OTUD3: variants seen among roughly 807,000 people sequenced by gnomAD.
OTUD3 encodes the protein OTU domain-containing protein 3.
OTUD3 carries 24 observed loss-of-function variants against 46.2 expected under a neutral mutation model. The observed-to-expected ratio is 0.52, with a 90% CI of 0.38 to 0.73. The LOEUF (loss-of-function observed/expected upper bound fraction) is 0.73. Among genes scored for constraint, OTUD3 ranks in the 30% least tolerant of loss-of-function variants. The pLI is 0.00. For synonymous variants in OTUD3, 189 were observed against 195.4 expected (o/e 0.97, Z 0.27); for missense variants, 455 against 523.3 (o/e 0.87, Z 1.27).
Position 19,882,689 on chromosome 1 carries a change from A to G in OTUD3, c.176A>G (p.Gln59Arg), listed in dbSNP as rs1181902287. 3 of 1,454,066 alleles carry G rather than the reference A, an allele frequency of 2.1e-6. No individual in the cohort carries two copies. The highest frequency in any genetic ancestry group is 1.5e-5 in the African/African-American group (1 of 67,976). The allele number at this position is 1,454,066 out of a possible 1,614,324, so 90.1% of individuals were successfully genotyped here. Residue 59 changes from glutamine to arginine, a missense_variant, in exon 1 of 8, where the codon CAG becomes CGG. By Grantham distance (43) the Gln-to-Arg change is conservative (BLOSUM62 1). Coordinates refer to ENST00000375120, the MANE Select transcript of OTUD3 (RefSeq NM_015207.2). ...CEEEFVSFAN[Q>R]LQALGLKLRE... ...GAGGAGTTCGTCAGCTTCGCCAACC[A>G]GCTGCAGGCCCTGGGGCTGAAGCTG...
intron 4 of OTUD3, chr1:19,897,919 AT>A: frequency 4.1e-6 from 1 of 245,792 alleles, no homozygotes; most frequent in Non-Finnish European, 7.6e-6. Context: ...TTTTAAAATT[AT>A]TTTTATGTTT....
In OTUD3 at chr1:19,909,604, C is replaced by A. The variant is rs2045708894; in HGVS notation, c.*1858C>A. On this transcript the variant is annotated 3_prime_UTR_variant, in exon 8 of 8. Transcript: ENST00000375120. Reference sequence around the variant, plus strand: ...AGTGTTTCTGAATGAAGATGTTTTCCTGTCTGTTTTGTACTGCTTGAGTGC... The same window carrying A: ...AGTGTTTCTGAATGAAGATGTTTTCATGTCTGTTTTGTACTGCTTGAGTGC... 6.6e-6 allele frequency: 1 copy of A among 152,318 alleles called. No individual in the cohort carries two copies. Among genetic ancestry groups the A allele is most frequent in the South Asian group, 2.1e-4 (1 of 4,828 alleles). The allele number at this position is 152,318 out of a possible 1,614,324, so 9.4% of individuals were successfully genotyped here. A position where few individuals can be genotyped will look rare whatever the true frequency, so the allele number is the denominator to read the frequency against.
chr1:19,894,544 GA>G, intron 3 of OTUD3, 64 bp downstream of exon 3: 1 of 964,836 alleles, frequency 1.0e-6, no homozygotes, highest in Middle Eastern at 2.2e-4. Context: ...GGGAATATCC[GA>G]AGATGAGGGG....
chr1:19,883,307 G>A (rs1231288374), intron 1 of OTUD3, among the ~76,000 whole-genome samples: 1 of 152,170 alleles, frequency 6.6e-6, no homozygotes, highest in African/African-American at 2.4e-5. Flanking sequence ...GCTTCCCCAA[G>A]CTTTCTTGGG....
At chr1:19,896,734 A>G (rs1408357858) in intron 3 of OTUD3, among the ~76,000 whole-genome samples, 2 of 152,204 alleles carry the variant, frequency 1.3e-5, no homozygotes, top group African/African-American at 4.8e-5. Context: ...CTAAGGGACA[A>G]AGTTAGAATG....
At chr1:19,893,554 T>C (rs2045478023) in intron 2 of OTUD3, among the ~76,000 whole-genome samples, 1 of 152,228 alleles carries the variant, frequency 6.6e-6, no homozygotes, top group African/African-American at 2.4e-5. Flanking sequence ...GTTTTGCTTA[T>C]TGATTTACTG....
chr1:19,887,112 TTTG>T (rs1488422051), intron 1 of OTUD3, among the ~76,000 whole-genome samples: 10 of 147,958 alleles, frequency 6.8e-5, no homozygotes, highest in Admixed American at 1.4e-4. Flanking sequence ...GACATTAGAG[TTTG>T]TTGTTGTTGC....
In OTUD3 at chr1:19,904,997, T is replaced by A. The variant is rs1191639693; in HGVS notation, c.835+10T>A. On this transcript the variant is annotated intron_variant, in intron 6 of 7. Transcript: ENST00000375120. Reference sequence around the variant, plus strand: ...CAAGGGAAGAGAAATAGTAAGTCCATGACTAATATTTATAGATCTTCAAAA... The same window carrying A: ...CAAGGGAAGAGAAATAGTAAGTCCAAGACTAATATTTATAGATCTTCAAAA... 7.6e-7 allele frequency: 1 copy of A among 1,312,784 alleles called. No individual in the cohort carries two copies. The highest frequency in any genetic ancestry group is 1.1e-6 in the Non-Finnish European group (1 of 921,946). The allele number at this position is 1,312,784 out of a possible 1,614,324, so 81.3% of individuals were successfully genotyped here.
chr1:19,888,975 G>C (rs1374640638), intron 1 of OTUD3, among the ~76,000 whole-genome samples: 2 of 152,048 alleles, frequency 1.3e-5, no homozygotes, highest in African/African-American at 4.8e-5. Context: ...CATGAATTTT[G>C]GTACATTAAA....
intron 1 of OTUD3, among the ~76,000 whole-genome samples, chr1:19,885,548 G>A (rs1339983363): frequency 6.6e-6 from 1 of 152,130 alleles, no homozygotes; most frequent in Non-Finnish European, 1.5e-5. Flanking sequence ...CTGCCTCCTG[G>A]GTTCAAACAA....
chr1:19,906,034 GTTTAAT>G (rs982834618), intron 6 of OTUD3, among the ~76,000 whole-genome samples: 3 of 152,166 alleles, frequency 2.0e-5, no homozygotes, highest in African/African-American at 7.2e-5. Context: ...TTTAAATGTT[GTTTAAT>G]TTTAATTTAA....
chr1:19,906,637 T>C, intron 7 of OTUD3, 21 bp downstream of exon 7: 1 of 1,583,420 alleles, frequency 6.3e-7, no homozygotes, highest in South Asian at 1.1e-5. Context: ...TGGGGTTGAA[T>C]GGGCAGGTGG....
At position 19,912,457 on chromosome 1, in the gene OTUD3, A is replaced by T. The variant is rs2045745127; in HGVS notation, c.*4711A>T. 6.5e-6 allele frequency: 1 copy of T among 153,116 alleles called. No homozygotes were observed. 9.5% of individuals were successfully genotyped at this position (153,116 alleles called of 1,614,324 possible). The stretch of plus-strand genomic sequence containing the variant: ...GCACTAAGCTCAGAGGAAAGAAGAA[A>T]AGGGCCAGGAGTCAGACGTCACACC... On this transcript the variant is annotated 3_prime_UTR_variant, in exon 8 of 8. Transcript: ENST00000375120.
chr1:19,890,364 C>T, intron 1 of OTUD3, 21 bp from the exon 2 acceptor site: 1 of 1,612,214 alleles, frequency 6.2e-7, no homozygotes, highest in South Asian at 1.1e-5. Flanking sequence ...AAGGTCTTGA[C>T]TCGTGTTGTT....
In OTUD3 at chr1:19,902,558, C is replaced by G. The variant is rs530717025; in HGVS notation, c.607-1709C>G. On this transcript the variant is annotated intron_variant, in intron 4 of 7. Coordinates refer to ENST00000375120, the MANE Select transcript of OTUD3 (RefSeq NM_015207.2). ...CTTAATAGCTAATGACATTGAACAT[C>G]TTTTCATGTGGTTTTCGGCCATTTG... 2.6e-5 allele frequency among the ~76,000 whole-genome samples: 4 copies of G among 152,284 alleles called. No homozygotes were observed. In the South Asian group the frequency reaches 8.3e-4, roughly 32 times the overall value.
rs745643567 is a variant in OTUD3, at chr1:19,907,697, C to G, written c.1148C>G (p.Ala383Gly). 1.2e-6 allele frequency: 2 copies of G among 1,614,196 alleles called. No homozygotes were observed. The highest frequency in any genetic ancestry group is 2.2e-5 in the South Asian group (2 of 91,076). Residue 383 changes from alanine (A) to glycine (G), a missense_variant, in exon 8 of 8, where the codon GCG becomes GGG. Physicochemically the swap from Ala to Gly is moderately conservative, Grantham distance 60. Coordinates refer to ENST00000375120, the MANE Select transcript of OTUD3 (RefSeq NM_015207.2). The stretch of plus-strand genomic sequence containing the variant: ...GACAATAACAGAAGCGAAGCAGAGG[C>G]GAACACGCAGGTCACCTTGGTGAAG... ...HRDNNRSEAE[A>G]NTQVTLVKTF...
At chr1:19,907,148 G>T (rs2100325776) in intron 7 of OTUD3, among the ~76,000 whole-genome samples, 1 of 152,196 alleles carries the variant, frequency 6.6e-6, no homozygotes, top group Middle Eastern at 3.4e-3. Context: ...TACTGAATTT[G>T]GAATCATTTT....
chr1:19,885,238 T>C (rs2045340884), intron 1 of OTUD3, among the ~76,000 whole-genome samples: 1 of 152,184 alleles, frequency 6.6e-6, no homozygotes, highest in South Asian at 2.1e-4. Context: ...GTTCCTGTTA[T>C]TCGGACAGTG....
At chr1:19,894,257 A>G (rs2045487443) in intron 2 of OTUD3, 111 bp from the exon 3 acceptor site, 2 of 593,610 alleles carry the variant, frequency 3.4e-6, no homozygotes, top group Non-Finnish European at 5.9e-6. Flanking sequence ...TGGACTTCTC[A>G]GATATATATC....
Sources: gnomAD v4.1 joint callset for allele counts (sites outside exome capture counted in the v4.1 genomes callset) on GRCh38, gnomAD v4.1.1 for gene constraint, MANE v1.5 for transcripts, NCBI Gene and HGNC (gene_info 2026-07-23, HGNC 2026-07-21) for gene names.